The following BNC2 variants were observed in gnomAD, a reference collection of about 807,000 sequenced individuals.
BNC2 encodes the protein zinc finger protein basonuclin-2.
Under a neutral mutation model 76.3 loss-of-function variants are expected in BNC2, and 20 were observed. The ratio of observed to expected loss-of-function variants is 0.26; its 90% confidence interval spans 0.18 to 0.38. The LOEUF (loss-of-function observed/expected upper bound fraction) is 0.38. BNC2 is among the 10% of genes least tolerant of loss of function. BNC2 has a pLI of 1.00. For synonymous variants in BNC2, 582 were observed against 514.8 expected (o/e 1.13, Z -1.77); for missense variants, 1,382 against 1,399.8 (o/e 0.99, Z 0.20).
chr9:16,650,504 C>A (rs1821763637), intron 3 of BNC2, among the ~76,000 whole-genome samples: 1 of 152,116 alleles, frequency 6.6e-6, no homozygotes, highest in Non-Finnish European at 1.5e-5. Context: ...CAGAGTCCAC[C>A]AAACTGCCTG....
At chr9:16,482,661 T>C (rs1262882793) in intron 5 of BNC2, among the ~76,000 whole-genome samples, 1 of 148,100 alleles carries the variant, frequency 6.8e-6, no homozygotes, top group Non-Finnish European at 1.5e-5. Context: ...ATTTAGAAAA[T>C]CTGCTACTTC....
chr9:16,567,599 T>C (rs770467630), intron 4 of BNC2, among the ~76,000 whole-genome samples: 1 of 152,196 alleles, frequency 6.6e-6, no homozygotes, highest in Non-Finnish European at 1.5e-5. Context: ...AATAAGAACA[T>C]ATTCAGATAC....
chr9:16,575,619 T>C (rs1364681903), intron 4 of BNC2, among the ~76,000 whole-genome samples: 1 of 152,176 alleles, frequency 6.6e-6, no homozygotes, highest in South Asian at 2.1e-4. Flanking sequence ...TTTGCATTTA[T>C]GAGGATGTCT....
chr9:16,678,062 TAA>T (rs1410894752), intron 3 of BNC2, among the ~76,000 whole-genome samples: 4 of 148,358 alleles, frequency 2.7e-5, no homozygotes, highest in Admixed American at 1.3e-4. Context: ...GGATGCAAAA[TAA>T]AAAGAGAGAA....
intron 3 of BNC2, among the ~76,000 whole-genome samples, chr9:16,703,245 T>C (rs545383692): frequency 2.0e-5 from 3 of 152,326 alleles, no homozygotes; most frequent in African/African-American, 4.8e-5. Context: ...ATCTAAATGT[T>C]AATTGACAGA....
At chr9:16,749,642 G>A (rs1825125058) in intron 1 of BNC2, among the ~76,000 whole-genome samples, 1 of 151,224 alleles carries the variant, frequency 6.6e-6, no homozygotes, top group Non-Finnish European at 1.5e-5. Flanking sequence ...TGAGGCTGCA[G>A]TGAGCCATGA....
chr9:16,581,899 G>T (rs552297342), intron 4 of BNC2, among the ~76,000 whole-genome samples: 2 of 151,988 alleles, frequency 1.3e-5, no homozygotes, highest in Non-Finnish European at 2.9e-5. Context: ...ACCCCTTCCC[G>T]GGTATTCCTC....
intron 5 of BNC2, among the ~76,000 whole-genome samples, chr9:16,530,348 T>G (rs1394554350): frequency 6.6e-6 from 1 of 152,120 alleles, no homozygotes; most frequent in Non-Finnish European, 1.5e-5. Context: ...CAACTTCACC[T>G]TATTAACATC....
At chr9:16,696,957 TCTC>T (rs1313982492) in intron 3 of BNC2, among the ~76,000 whole-genome samples, 1 of 152,234 alleles carries the variant, frequency 6.6e-6, no homozygotes, top group Non-Finnish European at 1.5e-5. Context: ...AAATGATTCT[TCTC>T]CTCTTATTGG....
chr9:16,427,697 G>C (rs1030525956), intron 6 of BNC2, among the ~76,000 whole-genome samples: 3 of 152,182 alleles, frequency 2.0e-5, no homozygotes, highest in African/African-American at 7.2e-5. Context: ...AGTCACGCAT[G>C]AGGATCCAAG....
At chr9:16,563,668 T>C (rs1335124971) in intron 4 of BNC2, among the ~76,000 whole-genome samples, 1 of 152,356 alleles carries the variant, frequency 6.6e-6, no homozygotes, top group South Asian at 2.1e-4. Flanking sequence ...ACAAACCTCC[T>C]AGTCCCATGT....
chr9:16,738,582 C>T, intron 1 of BNC2, 97 bp from the exon 2 acceptor site: 1 of 1,307,396 alleles, frequency 7.6e-7, no homozygotes, highest in Admixed American at 2.0e-5. Flanking sequence ...AAATATAACA[C>T]ACCAATGACC....
At chr9:16,581,688 C>G (rs905659234) in intron 4 of BNC2, among the ~76,000 whole-genome samples, 20 of 152,238 alleles carry the variant, frequency 1.3e-4, no homozygotes, top group Non-Finnish European at 2.4e-4. Context: ...TTATGGCAGC[C>G]CTAGCAAACT....
At chr9:16,791,942 A>T (rs1304825065) in intron 1 of BNC2, among the ~76,000 whole-genome samples, 1 of 152,060 alleles carries the variant, frequency 6.6e-6, no homozygotes, top group Non-Finnish European at 1.5e-5. Flanking sequence ...ATCTCTATCA[A>T]AATACAAAAA....
At chr9:16,750,674 C>T (rs966943946) in intron 1 of BNC2, among the ~76,000 whole-genome samples, 6 of 152,190 alleles carry the variant, frequency 3.9e-5, no homozygotes, top group African/African-American at 1.4e-4. Context: ...TGAATTAGAC[C>T]GTAACACATT....
intron 3 of BNC2, among the ~76,000 whole-genome samples, chr9:16,706,998 C>T (rs1443021965): frequency 2.0e-5 from 3 of 152,276 alleles, no homozygotes; most frequent in East Asian, 3.9e-4. Context: ...GTCAGGAGAT[C>T]GAGACCATCC....
intron 3 of BNC2, among the ~76,000 whole-genome samples, chr9:16,666,667 T>A (rs1353620598): frequency 6.6e-6 from 1 of 152,190 alleles, no homozygotes; most frequent in Non-Finnish European, 1.5e-5. Flanking sequence ...TCAACACACA[T>A]CCAGCAGACC....
At chr9:16,680,297 T>C (rs540549328) in intron 3 of BNC2, among the ~76,000 whole-genome samples, 2 of 152,288 alleles carry the variant, frequency 1.3e-5, no homozygotes, top group Non-Finnish European at 2.9e-5. Flanking sequence ...ACACTTTTTC[T>C]ATGTTGATTC....
At chr9:16,469,083 G>T (rs1821759703) in intron 5 of BNC2, among the ~76,000 whole-genome samples, 1 of 152,162 alleles carries the variant, frequency 6.6e-6, no homozygotes, top group Non-Finnish European at 1.5e-5. Flanking sequence ...ACCTGTGTGT[G>T]CTTTTTATAT....
Sources: allele counts gnomAD v4.1 joint callset (sites outside exome capture counted in the v4.1 genomes callset), GRCh38; gene constraint gnomAD v4.1.1; transcripts MANE v1.5; gene names NCBI Gene and HGNC (gene_info 2026-07-23, HGNC 2026-07-21).